Variants in NOTCH4 observed in about 807,000 individuals in gnomAD.
NOTCH4 encodes notch receptor 4.
Under a neutral mutation model 189.0 loss-of-function variants are expected in NOTCH4, and 138 were observed. The observed-to-expected ratio is 0.73, with a 90% confidence interval of 0.64 to 0.84. The LOEUF (loss-of-function observed/expected upper bound fraction) is 0.84. NOTCH4 is among the 40% of genes least tolerant of loss of function. The probability of loss-of-function intolerance (pLI) is 0.00; values close to 1 mark genes in which losing one functional copy is unlikely to be tolerated. For missense variants in NOTCH4, 2,286 were observed against 2,605.4 expected, an observed-to-expected ratio of 0.88 and a Z score of 2.67; for synonymous variants, 942 against 1,032.8, an observed-to-expected ratio of 0.91 and a Z score of 1.69.
rs1789228339 is a variant in NOTCH4 at position 32,214,235 on chromosome 6, A to C, written c.2042T>G (p.Val681Gly). 1.9e-6 allele frequency: 3 copies of C among 1,613,218 alleles called. No individual in the cohort carries two copies. Among genetic ancestry groups the C allele is most frequent in the Non-Finnish European group, 2.5e-6 (3 of 1,179,710 alleles). ...HCQRSSCVCD[V>G]GWTGPECEAE... The stretch of plus-strand genomic sequence containing the variant: ...CTCACACTCTGGCCCCGTCCAACCC[A>C]CGTCACACACACATGAGGATCTGGT... The change falls in exon 13 of 30, where the codon GTG becomes GGG. Residue 681 changes from valine (V) to glycine (G), a missense_variant. Transcript: ENST00000375023.
chr6:32,196,776 C>T, intron 28 of NOTCH4, 149 bp downstream of exon 28: 2 of 1,042,528 alleles, frequency 1.9e-6, no homozygotes, highest in Non-Finnish European at 2.9e-6. Context: ...GAAACTCACG[C>T]GGCCCGTACT....
At position 32,214,104 on chromosome 6, in the gene NOTCH4, T is replaced by A. The variant is rs1789213344; in HGVS notation, c.2167+6A>T. 1.9e-6 allele frequency: 3 copies of A among 1,606,686 alleles called. No individual in the cohort carries two copies. The highest frequency in any genetic ancestry group is 2.7e-5 in the African/African-American group (2 of 74,454). On this transcript the variant is annotated splice_donor_region_variant and intron_variant, in intron 13 of 29. Coordinates refer to ENST00000375023, the MANE Select transcript of NOTCH4 (RefSeq NM_004557.4). ...CAGGGTGTATATGGTTTAGGGAGGG[T>A]CTCACCTGTGTAGCCTGTAGGGCAG...
rs771054589 is a variant in NOTCH4 at position 32,201,037 on chromosome 6, A to G, written c.4140-31T>C. On this transcript the variant is annotated intron_variant, in intron 22 of 29. Coordinates refer to ENST00000375023, the MANE Select transcript of NOTCH4 (RefSeq NM_004557.4). The surrounding 1 kb of genome is among the most constrained non-coding windows in gnomAD (Gnocchi z 5.5). ...GAGGAGGCACCTCAGAGACCTCTGT[A>G]TTGGTCCCTGGCTCCCTTTCCTCCC... 2.0e-5 allele frequency: 31 copies of G among 1,561,182 alleles called. No individual in the cohort carries two copies. The highest frequency in any genetic ancestry group is 6.9e-6 in the Non-Finnish European group (8 of 1,154,628).
At position 32,212,945 on chromosome 6, in the gene NOTCH4, A is replaced by T. The variant is rs570490079; in HGVS notation, c.2439-34T>A. ...GACAGAGACAGGGCATGATAGGAAGAAGTTCGGGCAACAAGGGGAAGGTAG... is the reference window on the plus strand; with the variant it reads ...GACAGAGACAGGGCATGATAGGAAGTAGTTCGGGCAACAAGGGGAAGGTAG... On this transcript the variant is annotated intron_variant, in intron 15 of 29. Coordinates refer to ENST00000375023, the MANE Select transcript of NOTCH4 (RefSeq NM_004557.4). The surrounding 1 kb of genome is among the most constrained non-coding windows in gnomAD (Gnocchi z 4.4). 1 of 1,537,392 alleles carries T rather than the reference A, an allele frequency of 6.5e-7. No homozygotes were observed. The highest frequency in any genetic ancestry group is 2.3e-5 in the East Asian group (1 of 43,698).
At position 32,214,253 on chromosome 6, in the gene NOTCH4, G is replaced by T; in HGVS notation, c.2024C>A (p.Ser675Tyr). Residue 675 changes from serine to tyrosine, a missense_variant and splice_region_variant, in exon 13 of 30, where the codon TCC becomes TAC. Around this residue, in one of 2 missense-constraint regions of NOTCH4, gnomAD observed 1,903 missense variants for 2,261.9 expected, o/e 0.84. Transcript: ENST00000375023. ...CCAACCCACGTCACACACACATGAG[G>T]ATCTGGTTGTAAAGAGAAAGGGGAG... ...CTCHHGHCQRSSCVCDVGWTG... is the reference protein window; with the variant it reads ...CTCHHGHCQRYSCVCDVGWTG... 6.2e-7 allele frequency: 1 copy of T among 1,612,902 alleles called. No individual in the cohort carries two copies. The highest frequency in any genetic ancestry group is 1.1e-5 in the South Asian group (1 of 90,882).
intron 1 of NOTCH4, among the ~76,000 whole-genome samples, chr6:32,223,597 G>A (rs559064029): frequency 1.3e-5 from 2 of 151,960 alleles, no homozygotes; most frequent in African/African-American, 4.8e-5. Context: ...GAGTCCTCCA[G>A]TGCCAGTGCT....
At chr6:32,204,477 C>T in intron 18 of NOTCH4, 88 bp from the exon 19 acceptor site, 3 of 1,428,696 alleles carry the variant, frequency 2.1e-6, no homozygotes, top group Non-Finnish European at 2.9e-6. Context: ...TCTGTCCAGT[C>T]CCCCACCTTC....
At chr6:32,204,982 A>G (rs866079033) in intron 18 of NOTCH4, among the ~76,000 whole-genome samples, 2 of 152,224 alleles carry the variant, frequency 1.3e-5, no homozygotes, top group Non-Finnish European at 2.9e-5. Context: ...TATAGGTGGC[A>G]GAGCTGGGAA....
In NOTCH4 at chr6:32,204,219, G is replaced by T; in HGVS notation, c.3036C>A (p.Asp1012Glu). The T allele has an allele frequency of 6.2e-7, 1 of 1,613,014 alleles. No homozygotes were observed. The highest frequency in any genetic ancestry group is 8.5e-7 in the Non-Finnish European group (1 of 1,180,010). Residue 1012 changes from aspartate (D) to glutamate (E), a missense_variant, in exon 19 of 30, where the codon GAC becomes GAA. Physicochemically the swap from Asp to Glu is conservative, Grantham distance 45. Transcript: ENST00000375023. ...RCEGDVDECL[D>E]QPCHPTGTAA... is the part of the protein sequence containing the mutation. Reference sequence around the variant, plus strand: ...CAGTGCCTGTGGGGTGGCAGGGCTGGTCCAGACACTCGTCCACGTCTCCCT... The same window carrying T: ...CAGTGCCTGTGGGGTGGCAGGGCTGTTCCAGACACTCGTCCACGTCTCCCT...
rs1171345424 is a variant in NOTCH4, at chr6:32,198,700, C to A, written c.4566G>T (p.Glu1522Asp). Residue 1522 changes from glutamate to aspartate, a missense_variant, in exon 25 of 30, where the codon GAG (glutamate) becomes GAT (aspartate). Glu to Asp is a conservative substitution (Grantham distance 45, BLOSUM62 2). This residue lies in a region of NOTCH4 where 1,903 missense variants were observed against 2,261.9 expected (regional missense o/e 0.84). Transcript: ENST00000375023. This position sits in a 1 kb window ranked among gnomAD's most constrained non-coding sequence, Gnocchi z 5.5. ...KALKPKAEVD[E>D]DGVVMCSGPE... ...GGCCTGAGCACATCACAACTCCATCCTCATCAACTTCTGCCTTTGGCTTCA... is the reference window on the plus strand; with the variant it reads ...GGCCTGAGCACATCACAACTCCATCATCATCAACTTCTGCCTTTGGCTTCA... The A allele has an allele frequency of 1.3e-5, 21 of 1,612,458 alleles. No homozygotes were observed. The highest frequency in any genetic ancestry group is 1.8e-5 in the Non-Finnish European group (21 of 1,179,806).
chr6:32,200,880 C>T lies in NOTCH4; in HGVS notation c.4266G>A (p.Glu1422=), dbSNP rs998603711. The change falls in exon 23 of 30, where the codon GAG becomes GAA. Residue 1422 remains glutamate (E), a synonymous_variant. Coordinates refer to ENST00000375023, the MANE Select transcript of NOTCH4 (RefSeq NM_004557.4). The surrounding 1 kb of genome is among the most constrained non-coding windows in gnomAD (Gnocchi z 5.0). ...CCAGCAGTGGTCCAGGCAGCAGGGGCTCCAGGGCTCCCACTGCAGCCATCG... is the reference window on the plus strand; with the variant it reads ...CCAGCAGTGGTCCAGGCAGCAGGGGTTCCAGGGCTCCCACTGCAGCCATCG... ...LAAMAAVGAL[E]PLLPGPLLAV... is the part of the protein sequence containing the mutation. 1.2e-6 allele frequency: 2 copies of T among 1,609,026 alleles called. No homozygotes were observed. Among genetic ancestry groups the T allele is most frequent in the Admixed American group, 3.4e-5 (2 of 59,334 alleles).
At chr6:32,214,328 C>T (rs1789237258) in intron 12 of NOTCH4, 73 bp from the exon 13 acceptor site, 1 of 1,525,582 alleles carries the variant, frequency 6.6e-7, no homozygotes, top group Non-Finnish European at 8.9e-7. Context: ...CTGCCTGGAC[C>T]CCTATGACTT....
At position 32,212,490 on chromosome 6, in the gene NOTCH4, C is replaced by A. The variant is rs1789083512; in HGVS notation, c.2664G>T (p.Lys888Asn). 6.2e-7 allele frequency: 1 copy of A among 1,611,844 alleles called. No individual in the cohort carries two copies. The highest frequency in any genetic ancestry group is 1.1e-5 in the South Asian group (1 of 90,888). The change falls in exon 17 of 30, where the codon AAG (lysine) becomes AAT (asparagine). Residue 888 changes from lysine to asparagine, a missense_variant. Transcript: ENST00000375023. The surrounding 1 kb of genome is among the most constrained non-coding windows in gnomAD (Gnocchi z 4.4). ...GTTGGTTACCTTGGCTCAGTGCAGC[C>A]TTCTGGCAGGAGGACAGTGGAAGGT... is the stretch of plus-strand genomic sequence containing the variant. ...LCNLPLSSCQ[K>N]AALSQGIDVS...
At chr6:32,222,234 G>A (rs970607788) in intron 3 of NOTCH4, among the ~76,000 whole-genome samples, 1 of 152,226 alleles carries the variant, frequency 6.6e-6, no homozygotes, top group East Asian at 1.9e-4. Flanking sequence ...AGGCAATGGG[G>A]AGATTAAAGG....
At chr6:32,203,919 A>G (rs776957249) in intron 19 of NOTCH4, 37 bp from the exon 20 acceptor site, 8 of 1,518,016 alleles carry the variant, frequency 5.3e-6, no homozygotes, top group East Asian at 2.5e-5. Context: ...CACACACTGC[A>G]TCAGTCACTG....
At position 32,195,734 on chromosome 6, in the gene NOTCH4, T is replaced by G. The variant is rs139392477; in HGVS notation, c.5715A>C (p.Ala1905=). ...SHCRSLSGVG[A]GGGPTPRGRR... is the part of the protein sequence containing the mutation. ...GGCCGCGAGGGGTCGGGCCTCCTCC[T>G]GCTCCTACTCCCGAGAGGCTCCGGC... is the stretch of plus-strand genomic sequence containing the variant. Residue 1905 remains alanine (A), a synonymous_variant, in exon 30 of 30, where the codon GCA becomes GCC. Coordinates refer to ENST00000375023, the MANE Select transcript of NOTCH4 (RefSeq NM_004557.4). The surrounding 1 kb of genome is among the most constrained non-coding windows in gnomAD (Gnocchi z 5.4). The G allele has an allele frequency of 6.2e-7, 1 of 1,612,694 alleles. No individual in the cohort carries two copies. The highest frequency in any genetic ancestry group is 8.5e-7 in the Non-Finnish European group (1 of 1,179,904).
At chr6:32,219,468 G>T in intron 8 of NOTCH4, 124 bp downstream of exon 8, 1 of 868,748 alleles carries the variant, frequency 1.2e-6, no homozygotes, top group Non-Finnish European at 1.8e-6. Context: ...GGGGTAGAGA[G>T]AGAAGCATCT....
Position 32,201,657 on chromosome 6 carries a change from T to G in NOTCH4, c.3756-157A>C, listed in dbSNP as rs934292458. ...AGCTTAGTCAAGTCCTGGATGGTAG[T>G]CCAGACACCCCAATGTCTGCTAACA... On this transcript the variant is annotated intron_variant, in intron 21 of 29. Coordinates refer to ENST00000375023, the MANE Select transcript of NOTCH4 (RefSeq NM_004557.4). This position sits in a 1 kb window ranked among gnomAD's most constrained non-coding sequence, Gnocchi z 5.5. 3 of 585,474 alleles carry G rather than the reference T, an allele frequency of 5.1e-6. No individual in the cohort carries two copies. The African/African-American group carries it at 5.7e-5, about 11-fold the overall frequency. 36.3% of individuals were successfully genotyped at this position (585,474 alleles called of 1,614,324 possible).
Position 32,197,024 on chromosome 6 carries a change from C to A in NOTCH4, c.5101G>T (p.Gly1701Trp). 2 of 1,612,936 alleles carry A rather than the reference C, an allele frequency of 1.2e-6. No individual in the cohort carries two copies. Among genetic ancestry groups the A allele is most frequent in the Non-Finnish European group, 1.7e-6 (2 of 1,180,026 alleles). Reference protein sequence around the residue: ...QTAVDARTEDGTTPLMLAARL... With the variant: ...QTAVDARTEDWTTPLMLAARL... ...GCAGCCAGCATCAAGGGTGTGGTCCCGTCCTCTGTGCGAGCGTCCACTGCA... is the reference window on the plus strand; with the variant it reads ...GCAGCCAGCATCAAGGGTGTGGTCCAGTCCTCTGTGCGAGCGTCCACTGCA... Residue 1701 changes from glycine (G) to tryptophan (W), a missense_variant, in exon 28 of 30, where the codon GGG becomes TGG. By Grantham distance (184) the Gly-to-Trp change is radical. Transcript: ENST00000375023.
Sources: gnomAD v4.1 joint callset for allele counts (sites outside exome capture counted in the v4.1 genomes callset) on GRCh38, gnomAD v4.1.1 for gene constraint, gnomAD v4.1.1 regional missense constraint, Gnocchi (gnomAD v3.1) non-coding constraint, MANE v1.5 for transcripts, NCBI Gene and HGNC (gene_info 2026-07-23, HGNC 2026-07-21) for gene names.